The following REEP5 variants were observed in gnomAD, a reference collection of about 807,000 sequenced individuals.
REEP5 encodes the protein receptor accessory protein 5.
REEP5 carries 24 observed loss-of-function variants against 22.4 expected under a neutral mutation model. The observed-to-expected ratio is 1.07, with a 90% CI of 0.78 to 1.51. The LOEUF (loss-of-function observed/expected upper bound fraction) is 1.51. Ranked by LOEUF, REEP5 falls within the 40% of genes most tolerant of loss-of-function variation. The probability of loss-of-function intolerance (pLI) is 0.00; values close to 1 mark genes in which losing one functional copy is unlikely to be tolerated. For missense variants in REEP5, 252 were observed against 233.0 expected (o/e 1.08, Z -0.53); for synonymous variants, 103 against 88.6 (o/e 1.16, Z -0.92).
chr5:112,922,059 C>T lies in REEP5; in HGVS notation c.118+14G>A, dbSNP rs1478703567. ...CCGTGGCCCTACCAGCGGCGGCGAC[C>T]CCCGGCCACCCACCAAGAGCGATGA... On this transcript the variant is annotated intron_variant, in intron 1 of 4. Transcript: ENST00000379638. 2.5e-6 allele frequency: 4 copies of T among 1,584,862 alleles called. No individual in the cohort carries two copies. The highest frequency in any genetic ancestry group is 2.4e-5 in the East Asian group (1 of 41,632).
At chr5:112,921,499 C>A in intron 1 of REEP5, 3 of 555,282 alleles carry the variant, frequency 5.4e-6, no homozygotes, top group Non-Finnish European at 9.7e-6. Flanking sequence ...GGGGCCCCGG[C>A]GCTTTGCGCA....
chr5:112,893,132 A>G, intron 3 of REEP5: 1 of 861,704 alleles, frequency 1.2e-6, no homozygotes, highest in Non-Finnish European at 1.7e-6. Flanking sequence ...GGACCAGGCC[A>G]GGTATAGTGG....
chr5:112,886,126 C>T (rs1296697650), intron 4 of REEP5, among the ~76,000 whole-genome samples: 1 of 152,228 alleles, frequency 6.6e-6, no homozygotes, highest in African/African-American at 2.4e-5. Flanking sequence ...TACTGTTGCT[C>T]TTTTCCTTGA....
At chr5:112,910,444 AAAAT>A (rs1396379215) in intron 2 of REEP5, among the ~76,000 whole-genome samples, 1 of 152,196 alleles carries the variant, frequency 6.6e-6, no homozygotes, top group African/African-American at 2.4e-5. Context: ...ATTGCTCTAA[AAAAT>A]AAAATCCATT....
intron 1 of REEP5, 56 bp downstream of exon 1, chr5:112,922,017 T>C: frequency 2.6e-6 from 4 of 1,549,498 alleles, no homozygotes; most frequent in Non-Finnish European, 2.6e-6. Context: ...CCCCAGCAGC[T>C]GGGGCAGCGG....
At chr5:112,919,634 C>A (rs1769307292) in intron 2 of REEP5, among the ~76,000 whole-genome samples, 2 of 152,110 alleles carry the variant, frequency 1.3e-5, no homozygotes, top group South Asian at 4.1e-4. Context: ...ATAAAAGAGG[C>A]TTGAGGGAGC....
chr5:112,906,052 T>C (rs1030630991), intron 2 of REEP5, among the ~76,000 whole-genome samples: 3 of 152,162 alleles, frequency 2.0e-5, no homozygotes, highest in Admixed American at 6.5e-5. Flanking sequence ...AATAAAGAGG[T>C]AGCAATTTAG....
intron 2 of REEP5, among the ~76,000 whole-genome samples, chr5:112,918,694 C>A (rs148212935): frequency 6.6e-6 from 1 of 152,160 alleles, no homozygotes; most frequent in African/African-American, 2.4e-5. Context: ...ATGCAAACTC[C>A]CTACCACCAT....
Position 112,893,044 on chromosome 5 carries a change from A to G in REEP5, c.352-5861T>C, listed in dbSNP as rs767888835. On this transcript the variant is annotated intron_variant, in intron 3 of 4. Transcript: ENST00000379638. ...TCGTGGGAGGAGGAAGTCGGGTAAT[A>G]GAGACAGAACTGTTCAGAGTCCCCA... 27 of 1,449,042 alleles carry G rather than the reference A, an allele frequency of 1.9e-5. No individual in the cohort carries two copies. The Middle Eastern group carries it at 6.3e-4, about 34-fold the overall frequency. The allele number at this position is 1,449,042 out of a possible 1,614,324, so 89.8% of individuals were successfully genotyped here. A position where few individuals can be genotyped will look rare whatever the true frequency, so the allele number is the denominator to read the frequency against.
intron 3 of REEP5, chr5:112,893,094 T>TAAAA (rs552226372): frequency 3.4e-5 from 17 of 501,444 alleles, no homozygotes; most frequent in Non-Finnish European, 4.7e-5. Flanking sequence ...GTTTTGTTCT[T>TAAAA]AAAAAAAAAA....
intron 4 of REEP5, chr5:112,882,067 G>A (rs1359894020): frequency 6.5e-6 from 1 of 153,548 alleles, no homozygotes; most frequent in African/African-American, 2.4e-5. Context: ...CACTGCACCT[G>A]ACCTACTACT....
chr5:112,920,609 A>G (rs1478251043), intron 2 of REEP5, among the ~76,000 whole-genome samples: 1 of 152,268 alleles, frequency 6.6e-6, no homozygotes, highest in Non-Finnish European at 1.5e-5. Flanking sequence ...AAGGAGCTAT[A>G]TCATGGAGCA....
chr5:112,901,238 G>A (rs191618777), intron 3 of REEP5, among the ~76,000 whole-genome samples: 12 of 152,074 alleles, frequency 7.9e-5, no homozygotes, highest in Middle Eastern at 3.4e-3. Flanking sequence ...ACTGGGGAGC[G>A]GTAACCATAC....
Position 112,877,979 on chromosome 5 carries a change from C to CTG in REEP5, c.*806_*807insCA, listed in dbSNP as rs1491389635. The CTG allele has an allele frequency of 9.5e-5, 11 of 115,478 alleles. No homozygotes were observed. The highest frequency in any genetic ancestry group is 4.0e-4 in the African/African-American group (11 of 27,502). The allele number at this position is 115,478 out of a possible 1,614,324, so 7.2% of individuals were successfully genotyped here. On this transcript the variant is annotated 3_prime_UTR_variant, in exon 5 of 5. Coordinates refer to ENST00000379638, the MANE Select transcript of REEP5 (RefSeq NM_005669.5). ...TCAGGGAATTGAGAGTTACAGGTTA[C>CTG]TCTGTGTGTGTGTGTGTGTGTGTGT...
chr5:112,901,494 A>G (rs1385632113), intron 3 of REEP5, among the ~76,000 whole-genome samples: 1 of 152,096 alleles, frequency 6.6e-6, no homozygotes, highest in African/African-American at 2.4e-5. Flanking sequence ...GGATTGCTTA[A>G]GGTCAGGAGT....
chr5:112,921,949 G>C, intron 1 of REEP5, 124 bp downstream of exon 1: 1 of 1,240,792 alleles, frequency 8.1e-7, no homozygotes, highest in Non-Finnish European at 1.1e-6. Flanking sequence ...CCCTGAATAT[G>C]CTGCTTGTCC....
intron 2 of REEP5, among the ~76,000 whole-genome samples, chr5:112,904,714 T>G (rs1347107745): frequency 6.6e-6 from 1 of 152,226 alleles, no homozygotes; most frequent in East Asian, 1.9e-4. Context: ...AAATAGATAT[T>G]TCCTGAAACC....
chr5:112,878,888 A>T, intron 4 of REEP5, 53 bp from the exon 5 acceptor site: 1 of 1,613,506 alleles, frequency 6.2e-7, no homozygotes, highest in Non-Finnish European at 8.5e-7. Flanking sequence ...TTTCTTTGGA[A>T]TGCAAGCTTG....
Position 112,887,004 on chromosome 5 carries a change from C to T in REEP5, c.520+11G>A, listed in dbSNP as rs755486713. The T allele has an allele frequency of 9.5e-6, 15 of 1,581,610 alleles. No homozygotes were observed. The highest frequency in any genetic ancestry group is 1.3e-5 in the Non-Finnish European group (15 of 1,155,440). On this transcript the variant is annotated intron_variant, in intron 4 of 4. Transcript: ENST00000379638. ...TCTCACATGTGGGGCCATCTTGTTC[C>T]TGAGTCTTACCTTCTTTAGTGATGG...
Sources: gnomAD v4.1 joint callset for allele counts (sites outside exome capture counted in the v4.1 genomes callset) on GRCh38, gnomAD v4.1.1 for gene constraint, MANE v1.5 for transcripts, NCBI Gene and HGNC (gene_info 2026-07-23, HGNC 2026-07-21) for gene names.